HPS4: variants seen among roughly 807,000 people sequenced by gnomAD.
The protein encoded by HPS4 is HPS4 biogenesis of lysosomal organelles complex 3 subunit 2.
Under a neutral mutation model 70.3 loss-of-function variants are expected in HPS4, and 44 were observed. The ratio of observed to expected loss-of-function variants is 0.63; its 90% CI spans 0.49 to 0.80. HPS4 has a LOEUF of 0.80. Among genes scored for constraint, HPS4 ranks in the 30% least tolerant of loss-of-function variants. HPS4 has a pLI of 0.00. For synonymous variants in HPS4, 377 were observed against 355.9 expected, an observed-to-expected ratio of 1.06 and a Z score of -0.67; for missense variants, 873 against 884.4, an observed-to-expected ratio of 0.99 and a Z score of 0.16.
Position 26,479,485 on chromosome 22 carries a change from G to A in HPS4, c.42-130C>T, listed in dbSNP as rs1181039825. On this transcript the variant is annotated intron_variant, in intron 2 of 13. Coordinates refer to ENST00000398145, the MANE Select transcript of HPS4 (RefSeq NM_022081.6). ...TTGAAAGCCTTCAGGTGGCCCCAGA[G>A]AATAAAGAACCCCAGTAGCTACAAA... 19 of 1,483,538 alleles carry A rather than the reference G, an allele frequency of 1.3e-5. No individual in the cohort carries two copies. In the East Asian group the frequency reaches 4.0e-4, roughly 31 times the overall value. The allele number at this position is 1,483,538 out of a possible 1,614,324, so 91.9% of individuals were successfully genotyped here.
chr22:26,460,112 G>A (rs891654384), intron 11 of HPS4, among the ~76,000 whole-genome samples: 1 of 152,272 alleles, frequency 6.6e-6, no homozygotes, highest in Middle Eastern at 3.4e-3. Context: ...TTTTCTATGC[G>A]CTCAGTTTTG....
chr22:26,480,130 C>T (rs955336800), intron 2 of HPS4, among the ~76,000 whole-genome samples: 1 of 152,170 alleles, frequency 6.6e-6, no homozygotes, highest in Non-Finnish European at 1.5e-5. Flanking sequence ...TATCTGATTA[C>T]CTCTTTAAGA....
At chr22:26,444,946 C>T (rs956699971) in intron 3 of HPS4, 2 of 152,192 alleles carry the variant, frequency 1.3e-5, no homozygotes, top group Admixed American at 1.3e-4. Context: ...GCGCAGGTAC[C>T]TAGCTACCTG....
intron 7 of HPS4, among the ~76,000 whole-genome samples, chr22:26,469,366 T>C (rs930439240): frequency 2.1e-4 from 32 of 151,674 alleles, no homozygotes; most frequent in African/African-American, 7.5e-4. Context: ...GAGGATCACT[T>C]GAGTCCAAGA....
At position 26,457,918 on chromosome 22, in the gene HPS4, G is replaced by A. The variant is rs370795890; in HGVS notation, c.1896C>T (p.Ala632=). ...CAAATTCGCTATGCATCAGGCTGAC[G>A]GCCTGGAGGAAGCGGCGATCCTGCG... The part of the protein sequence containing the change: ...ATPQDRRFLQ[A]VSLMHSEFAQ... Residue 632 remains alanine, a synonymous_variant, in exon 13 of 14, where the codon GCC becomes GCT. Coordinates refer to ENST00000398145, the MANE Select transcript of HPS4 (RefSeq NM_022081.6). The A allele has an allele frequency of 8.7e-6, 14 of 1,614,040 alleles. No homozygotes were observed. The highest frequency in any genetic ancestry group is 2.2e-5 in the South Asian group (2 of 91,086).
rs1356384775 is a variant in HPS4 at position 26,452,409 on chromosome 22, G to C, written c.*824C>G. On this transcript the variant is annotated 3_prime_UTR_variant, in exon 14 of 14. Coordinates refer to ENST00000398145, the MANE Select transcript of HPS4 (RefSeq NM_022081.6). The stretch of plus-strand genomic sequence containing the variant: ...CCTTTCACGCAGCCACCACTGAAAA[G>C]CACAGTGCTTTTACCCCCAGACATC... 4.4e-6 allele frequency: 2 copies of C among 454,488 alleles called. No individual in the cohort carries two copies. The highest frequency in any genetic ancestry group is 8.8e-6 in the Non-Finnish European group (2 of 226,410). 28.2% of individuals were successfully genotyped at this position (454,488 alleles called of 1,614,324 possible).
In HPS4 at chr22:26,465,481, G is replaced by A. The variant is rs369227380; in HGVS notation, c.777C>T (p.His259=). The A allele has an allele frequency of 5.6e-6, 9 of 1,613,564 alleles. No individual in the cohort carries two copies. Among genetic ancestry groups the A allele is most frequent in the East Asian group, 2.2e-5 (1 of 44,898 alleles). ...TTGTCATCTGTTCCACCGGGAACTC[G>A]TGGAGACTAATGGCTTCCTCTTTGG... The part of the protein sequence containing the change: ...FVTKEEAISL[H]EFPVEQMTRS... The change falls in exon 10 of 14, where the codon CAC becomes CAT. Residue 259 remains histidine, a synonymous_variant. Coordinates refer to ENST00000398145, the MANE Select transcript of HPS4 (RefSeq NM_022081.6).
In HPS4 at chr22:26,457,960, C is replaced by G. The variant is rs1229074715; in HGVS notation, c.1854G>C (p.Leu618=). Residue 618 remains leucine (L), a synonymous_variant, in exon 13 of 14, where the codon CTG becomes CTC. Transcript: ENST00000398145. ...GATCCTGCGGGGTGGCCACCTGCGG[C>G]AGGTTTGCTTCCAGAAGAGGACACA... ...DRIQSLLMAN[L]PQVATPQDRR... 6.2e-7 allele frequency: 1 copy of G among 1,613,096 alleles called. No individual in the cohort carries two copies. Among genetic ancestry groups the G allele is most frequent in the South Asian group, 1.1e-5 (1 of 91,056 alleles).
intron 13 of HPS4, among the ~76,000 whole-genome samples, chr22:26,454,181 G>A (rs2085679885): frequency 6.6e-6 from 1 of 152,206 alleles, no homozygotes; most frequent in African/African-American, 2.4e-5. Context: ...CTCCTTCCCT[G>A]TAAGGGAGAA....
At chr22:26,444,272 A>G (rs1245371817) in exon 4 of HPS4, 1 of 151,760 alleles carries the variant, frequency 6.6e-6, no homozygotes, top group Non-Finnish European at 1.5e-5. Flanking sequence ...ATGTTCAAAC[A>G]CTAGACTTGG....
chr22:26,459,290 G>A (rs1388467324), intron 11 of HPS4, among the ~76,000 whole-genome samples: 2 of 152,198 alleles, frequency 1.3e-5, no homozygotes, highest in African/African-American at 4.8e-5. Flanking sequence ...TCAAGGAGAT[G>A]GGTTCAAGTA....
At chr22:26,460,937 T>G (rs959690871) in intron 11 of HPS4, among the ~76,000 whole-genome samples, 1 of 152,284 alleles carries the variant, frequency 6.6e-6, no homozygotes, top group Non-Finnish European at 1.5e-5. Flanking sequence ...ATGGCTGTTT[T>G]TGTACTGCAA....
At chr22:26,477,639 G>A (rs999452745) in intron 3 of HPS4, among the ~76,000 whole-genome samples, 2 of 152,156 alleles carry the variant, frequency 1.3e-5, no homozygotes, top group Non-Finnish European at 2.9e-5. Context: ...GCACAGGACA[G>A]CCAGACAGTA....
chr22:26,448,878 G>A (rs2085042896), downstream of HPS4, among the ~76,000 whole-genome samples: 1 of 152,178 alleles, frequency 6.6e-6, no homozygotes, highest in East Asian at 1.9e-4. Flanking sequence ...GAGTGGGTCT[G>A]ACACCTGCCC....
In HPS4 at chr22:26,479,813, T is replaced by C. The variant is rs575144621; in HGVS notation, c.42-458A>G. On this transcript the variant is annotated intron_variant, in intron 2 of 13. Coordinates refer to ENST00000398145, the MANE Select transcript of HPS4 (RefSeq NM_022081.6). The stretch of plus-strand genomic sequence containing the variant: ...AGGAATTCATGCATTCACTTAAACA[T>C]TTACTGAGGGCCCACAGTGTGCTCC... 2.2e-5 allele frequency: 9 copies of C among 413,230 alleles called. No homozygotes were observed. In the East Asian group the frequency reaches 1.3e-3, roughly 61 times the overall value. The allele number at this position is 413,230 out of a possible 1,614,324, so 25.6% of individuals were successfully genotyped here.
downstream of HPS4, chr22:26,443,135 G>A: frequency 6.2e-7 from 1 of 1,614,166 alleles, no homozygotes; most frequent in African/African-American, 1.3e-5. Flanking sequence ...TTTCATGGTG[G>A]ATTTGTGGCA....
rs758423479 is a variant in HPS4 at position 26,452,297 on chromosome 22, C to T, written c.*936G>A. 6.6e-6 allele frequency: 3 copies of T among 455,352 alleles called. No individual in the cohort carries two copies. Among genetic ancestry groups the T allele is most frequent in the South Asian group, 4.7e-5 (3 of 64,150 alleles). 28.2% of individuals were successfully genotyped at this position (455,352 alleles called of 1,614,324 possible). On this transcript the variant is annotated 3_prime_UTR_variant, in exon 14 of 14. Coordinates refer to ENST00000398145, the MANE Select transcript of HPS4 (RefSeq NM_022081.6). ...TTTTCATCCTGCAGTCTGTCTCATACTGTCAAAAAAATGTCTGACTATAAC... is the reference window on the plus strand; with the variant it reads ...TTTTCATCCTGCAGTCTGTCTCATATTGTCAAAAAAATGTCTGACTATAAC...
intron 11 of HPS4, among the ~76,000 whole-genome samples, chr22:26,458,824 A>G (rs1394198742): frequency 3.3e-5 from 5 of 151,826 alleles, no homozygotes; most frequent in African/African-American, 2.4e-5. Context: ...CTGTCTCGAA[A>G]AAAAAAAAAA....
In HPS4 at chr22:26,453,393, G is replaced by A. The variant is rs767769111; in HGVS notation, c.1967C>T (p.Thr656Met). 4.5e-5 allele frequency: 73 copies of A among 1,613,938 alleles called. No homozygotes were observed. Among genetic ancestry groups the A allele is most frequent in the Non-Finnish European group, 5.5e-5 (65 of 1,180,046 alleles). Residue 656 changes from threonine to methionine, a missense_variant, in exon 14 of 14, where the codon ACG (threonine) becomes ATG (methionine). Thr to Met is a moderately conservative substitution (Grantham distance 81, BLOSUM62 -1). Coordinates refer to ENST00000398145, the MANE Select transcript of HPS4 (RefSeq NM_022081.6). ...GGGGTTGCAACAGGCGTACACAGCCGTGGAGGCATTTCTGTTGGAGGAAGA... is the reference window on the plus strand; with the variant it reads ...GGGGTTGCAACAGGCGTACACAGCCATGGAGGCATTTCTGTTGGAGGAAGA... ...LYEMTVRNAS[T>M]AVYACCNPIQ... is the part of the protein sequence containing the mutation.
Sources: allele counts gnomAD v4.1 joint callset (sites outside exome capture counted in the v4.1 genomes callset), GRCh38; gene constraint gnomAD v4.1.1; transcripts MANE v1.5; gene names NCBI Gene and HGNC (gene_info 2026-07-23, HGNC 2026-07-21).